Variants in PCDHGB1 observed in about 807,000 individuals in gnomAD.
The protein encoded by PCDHGB1 is protocadherin gamma-B1.
In PCDHGB1, 34 loss-of-function variants were observed where a neutral mutation model predicts 56.6. The observed-to-expected ratio is 0.60, with a 90% CI of 0.46 to 0.80. PCDHGB1 has a LOEUF of 0.80. Among genes scored for constraint, PCDHGB1 ranks in the 30% least tolerant of loss-of-function variants. The pLI is 0.00. For synonymous variants in PCDHGB1, 561 were observed against 505.9 expected (o/e 1.11, Z -1.46); for missense variants, 1,278 against 1,204.6 (o/e 1.06, Z -0.90).
chr5:141,429,234 T>C (rs2097199038), intron 1 of PCDHGB1: 1 of 152,114 alleles, frequency 6.6e-6, no homozygotes, highest in African/African-American at 2.4e-5. Context: ...ATGATACTGC[T>C]GTCATTGAGA....
chr5:141,433,921 T>G (rs1203867326), intron 1 of PCDHGB1, among the ~76,000 whole-genome samples: 2 of 152,012 alleles, frequency 1.3e-5, no homozygotes, highest in African/African-American at 4.8e-5. Flanking sequence ...CACCTCCAAA[T>G]GAAGATTTTA....
At chr5:141,384,644 C>A (rs757384812) in intron 1 of PCDHGB1, 2 of 1,614,116 alleles carry the variant, frequency 1.2e-6, no homozygotes, top group African/African-American at 1.3e-5. Context: ...CCCCGCTCCG[C>A]AGAGCCCGGC....
At chr5:141,433,662 C>T (rs1377052782) in intron 1 of PCDHGB1, among the ~76,000 whole-genome samples, 1 of 151,950 alleles carries the variant, frequency 6.6e-6, no homozygotes, top group Non-Finnish European at 1.5e-5. Context: ...ATGGAGAAAC[C>T]CCGTCTATAC....
At chr5:141,356,048 A>G (rs1266481574) in intron 1 of PCDHGB1, 1 of 1,613,848 alleles carries the variant, frequency 6.2e-7, no homozygotes, top group Non-Finnish European at 8.5e-7. Context: ...TCTTTCCGGA[A>G]AGTAAGAGAC....
At chr5:141,449,538 G>A (rs1445815017) in intron 1 of PCDHGB1, among the ~76,000 whole-genome samples, 15 of 145,960 alleles carry the variant, frequency 1.0e-4, no homozygotes, top group East Asian at 4.0e-4. Flanking sequence ...GCAGTGAGCC[G>A]AGATCGCACC....
chr5:141,481,871 G>A (rs372191396), intron 1 of PCDHGB1, among the ~76,000 whole-genome samples: 73 of 144,864 alleles, frequency 5.0e-4, no homozygotes, highest in Non-Finnish European at 9.7e-4. Context: ...CCGAGATCGC[G>A]CCACTGCACT....
chr5:141,448,948 AAAAC>A (rs1237948751), intron 1 of PCDHGB1, among the ~76,000 whole-genome samples: 14 of 152,170 alleles, frequency 9.2e-5, no homozygotes, highest in African/African-American at 9.7e-5. Flanking sequence ...GCAACTCAAA[AAAAC>A]AAACAAACAA....
In PCDHGB1 at chr5:141,491,198, A is replaced by T. The variant is rs1344758185; in HGVS notation, c.2410-3609A>T. ...GTGGTCCTGGTGAGGGACAATGGTG[A>T]CCCTTCACTCTCCTCCACAGCCACA... On this transcript the variant is annotated intron_variant, in intron 1 of 3. Coordinates refer to ENST00000523390, the MANE Select transcript of PCDHGB1 (RefSeq NM_018922.3). This position sits in a 1 kb window ranked among gnomAD's most constrained non-coding sequence, Gnocchi z 6.9. 1.2e-6 allele frequency: 2 copies of T among 1,613,912 alleles called. No individual in the cohort carries two copies. The highest frequency in any genetic ancestry group is 1.3e-5 in the African/African-American group (1 of 74,866).
chr5:141,357,127 G>A (rs756766460), intron 1 of PCDHGB1: 2 of 1,613,446 alleles, frequency 1.2e-6, no homozygotes, highest in Non-Finnish European at 1.7e-6. Context: ...GCAGAGGCTT[G>A]TAGTGGTCGT....
chr5:141,390,279 C>T (rs759949726), intron 1 of PCDHGB1: 18 of 1,613,880 alleles, frequency 1.1e-5, no homozygotes, highest in Non-Finnish European at 1.5e-5. Context: ...GACTTCCCAT[C>T]AGGTGAGTTT....
At chr5:141,400,799 G>C (rs2094077749) in intron 1 of PCDHGB1, 1 of 553,376 alleles carries the variant, frequency 1.8e-6, no homozygotes, top group Non-Finnish European at 3.2e-6. Flanking sequence ...CTTTCTCAAA[G>C]CTAATGAATT....
intron 1 of PCDHGB1, chr5:141,440,034 A>T (rs995962283): frequency 6.5e-6 from 1 of 153,052 alleles, no homozygotes; most frequent in African/African-American, 2.4e-5. Context: ...AGTGTCGAGG[A>T]CATGCCCACT....
chr5:141,495,077 C>T (rs1237589417), intron 2 of PCDHGB1, among the ~76,000 whole-genome samples: 4 of 152,180 alleles, frequency 2.6e-5, no homozygotes, highest in African/African-American at 9.7e-5. Flanking sequence ...AATTCACATG[C>T]TTGCCCCTTC....
At chr5:141,376,298 C>T in intron 1 of PCDHGB1, 1 of 1,614,206 alleles carries the variant, frequency 6.2e-7, no homozygotes, top group South Asian at 1.1e-5. Context: ...GCCCGGCTCG[C>T]ACTTTGTGGG....
chr5:141,378,535 T>A (rs1235721694), intron 1 of PCDHGB1: 1 of 152,092 alleles, frequency 6.6e-6, no homozygotes, highest in Non-Finnish European at 1.5e-5. Flanking sequence ...AAAATAATAA[T>A]GATAATTAAT....
At chr5:141,370,775 C>A in intron 1 of PCDHGB1, 5 of 1,613,966 alleles carry the variant, frequency 3.1e-6, no homozygotes, top group Non-Finnish European at 4.2e-6. Context: ...AGGATATTAA[C>A]GACAACCCAC....
At chr5:141,379,014 T>C (rs1440666109) in intron 1 of PCDHGB1, 2 of 152,222 alleles carry the variant, frequency 1.3e-5, no homozygotes, top group South Asian at 4.1e-4. Context: ...TCTCCAGTCA[T>C]GAGTTGGAAG....
intron 1 of PCDHGB1, chr5:141,410,427 A>G (rs746046310): frequency 1.4e-5 from 22 of 1,613,832 alleles, no homozygotes; most frequent in East Asian, 1.1e-4. Flanking sequence ...GTTCCCCCCA[A>G]CTACAGTGAG....
chr5:141,421,924 G>A, intron 1 of PCDHGB1: 1 of 1,613,564 alleles, frequency 6.2e-7, no homozygotes, highest in South Asian at 1.1e-5. Context: ...TCGTGTGGTG[G>A]TCCTCGATGT....
Sources: allele counts gnomAD v4.1 joint callset (sites outside exome capture counted in the v4.1 genomes callset), GRCh38; gene constraint gnomAD v4.1.1; non-coding constraint Gnocchi (gnomAD v3.1); transcripts MANE v1.5; gene names NCBI Gene and HGNC (gene_info 2026-07-23, HGNC 2026-07-21).